The following CDC40 variants were observed in gnomAD, a reference collection of about 807,000 sequenced individuals.
The protein encoded by CDC40 is cell division cycle 40, also known as pre-mRNA-processing factor 17.
CDC40 carries 27 observed loss-of-function variants against 80.6 expected under a neutral mutation model. The ratio of observed to expected loss-of-function variants is 0.33; its 90% CI spans 0.25 to 0.46. The LOEUF (loss-of-function observed/expected upper bound fraction) is 0.46, where lower values mean the gene tolerates loss of function less well. Ranked by LOEUF, CDC40 falls within the 20% of genes least tolerant of loss-of-function variation. CDC40 has a pLI of 1.00. For missense variants in CDC40, 486 were observed against 694.1 expected, an observed-to-expected ratio of 0.70 and a Z score of 3.37; for synonymous variants, 221 against 232.6, an observed-to-expected ratio of 0.95 and a Z score of 0.45.
intron 6 of CDC40, 191 bp from the exon 7 acceptor site, chr6:110,211,942 T>C (rs1279798239): frequency 3.7e-6 from 2 of 542,832 alleles, no homozygotes; most frequent in South Asian, 2.5e-5. Flanking sequence ...CTACCTCTAG[T>C]TGTAAATGAT....
intron 8 of CDC40, 97 bp from the exon 9 acceptor site, chr6:110,215,189 G>A (rs908213361): frequency 5.7e-6 from 5 of 878,816 alleles, no homozygotes; most frequent in South Asian, 5.5e-5. Context: ...TACACACACA[G>A]ATGTGCACAC....
chr6:110,225,301 T>C (rs1777837426), intron 12 of CDC40, among the ~76,000 whole-genome samples: 1 of 152,180 alleles, frequency 6.6e-6, no homozygotes, highest in Non-Finnish European at 1.5e-5. Context: ...TCTGGTCTCA[T>C]GAAAAGCAAC....
intron 9 of CDC40, 133 bp from the exon 10 acceptor site, chr6:110,217,569 G>A: frequency 1.6e-6 from 1 of 622,380 alleles, no homozygotes; most frequent in East Asian, 3.0e-5. Flanking sequence ...ATCAGGCGGT[G>A]GCATTCCAGT....
At chr6:110,192,110 T>G (rs1325988404) in intron 1 of CDC40, among the ~76,000 whole-genome samples, 1 of 151,732 alleles carries the variant, frequency 6.6e-6, no homozygotes, top group Non-Finnish European at 1.5e-5. Flanking sequence ...TACTGGGGGG[T>G]TTAGAGCATA....
chr6:110,211,220 A>C (rs1165571563), intron 6 of CDC40: 1 of 152,220 alleles, frequency 6.6e-6, no homozygotes, highest in Non-Finnish European at 1.5e-5. Context: ...TATTCAGAAT[A>C]AACTTGGATT....
chr6:110,214,397 A>G (rs950035670), intron 8 of CDC40, among the ~76,000 whole-genome samples: 2 of 152,242 alleles, frequency 1.3e-5, no homozygotes, highest in Admixed American at 1.3e-4. Context: ...GGCAAGCACA[A>G]GATATGCTGG....
chr6:110,201,557 G>A lies in CDC40; in HGVS notation c.277-1G>A. 2 of 1,593,106 alleles carry A rather than the reference G, an allele frequency of 1.3e-6. No individual in the cohort carries two copies. The highest frequency in any genetic ancestry group is 1.7e-5 in the Admixed American group (1 of 58,114). ...TTATTTTTTTTCTTGTAACATTGCA[G>A]TTTGGACCAGAAAATCCCTTTAGGA... On this transcript the variant is annotated splice_acceptor_variant, in intron 2 of 14. Coordinates refer to ENST00000307731, the MANE Select transcript of CDC40 (RefSeq NM_015891.3). LOFTEE classifies it high-confidence loss of function.
At chr6:110,202,450 A>C (rs1382199927) in intron 3 of CDC40, among the ~76,000 whole-genome samples, 3 of 152,214 alleles carry the variant, frequency 2.0e-5, no homozygotes, top group Admixed American at 6.5e-5. Flanking sequence ...CTGTTACATC[A>C]TGATTTTGTT....
intron 11 of CDC40, 25 bp downstream of exon 11, chr6:110,219,504 A>G: frequency 7.7e-7 from 1 of 1,294,496 alleles, no homozygotes; most frequent in Non-Finnish European, 1.1e-6. Context: ...GTATTTTGTT[A>G]AGACTCCTAA....
intron 3 of CDC40, among the ~76,000 whole-genome samples, chr6:110,204,321 T>G (rs2085670433): frequency 6.6e-6 from 1 of 152,172 alleles, no homozygotes; most frequent in Non-Finnish European, 1.5e-5. Flanking sequence ...CTTATTAACA[T>G]TTTTAAATGA....
chr6:110,213,864 A>G (rs78919332), intron 8 of CDC40, among the ~76,000 whole-genome samples: 13,005 of 152,180 alleles, frequency 0.085, 866 homozygotes, highest in African/African-American at 0.19. Context: ...AATGTGTGGT[A>G]GAAAAAACTC....
chr6:110,225,742 A>T (rs11753534), intron 12 of CDC40, among the ~76,000 whole-genome samples: 18,565 of 152,090 alleles, frequency 0.12, 1,160 homozygotes, highest in South Asian at 0.19. Context: ...GTACATTTTT[A>T]ATTTAATTTT....
intron 2 of CDC40, among the ~76,000 whole-genome samples, chr6:110,198,612 G>A (rs1334228423): frequency 6.6e-6 from 1 of 152,128 alleles, no homozygotes; most frequent in Non-Finnish European, 1.5e-5. Context: ...CTTACCAGAT[G>A]TATGGTTTGC....
chr6:110,184,149 T>C (rs1176720101), intron 1 of CDC40, among the ~76,000 whole-genome samples: 1 of 152,350 alleles, frequency 6.6e-6, no homozygotes, highest in East Asian at 1.9e-4. Context: ...CATATGAAAT[T>C]AACTTTTGTC....
chr6:110,222,402 C>G (rs914868237), intron 12 of CDC40, among the ~76,000 whole-genome samples: 3 of 151,808 alleles, frequency 2.0e-5, no homozygotes, highest in Admixed American at 1.3e-4. Flanking sequence ...ACTAAAAATA[C>G]AAAAATTAGC....
chr6:110,217,369 G>C (rs1458191864), intron 9 of CDC40, among the ~76,000 whole-genome samples: 1 of 152,086 alleles, frequency 6.6e-6, no homozygotes, highest in Non-Finnish European at 1.5e-5. Flanking sequence ...TAAATTCTTG[G>C]CTAGCTAGTC....
chr6:110,214,431 G>T (rs77143627), intron 8 of CDC40, among the ~76,000 whole-genome samples: 1 of 152,196 alleles, frequency 6.6e-6, no homozygotes, highest in Non-Finnish European at 1.5e-5. Flanking sequence ...GCATACCTTA[G>T]TAAGTTGGTT....
chr6:110,209,921 T>C (rs1385916612), intron 5 of CDC40, among the ~76,000 whole-genome samples: 1 of 152,206 alleles, frequency 6.6e-6, no homozygotes, highest in Non-Finnish European at 1.5e-5. Flanking sequence ...CTTGTTATTA[T>C]AGATAGAGAT....
At chr6:110,194,918 A>G (rs1448394500) in intron 2 of CDC40, among the ~76,000 whole-genome samples, 1 of 152,102 alleles carries the variant, frequency 6.6e-6, no homozygotes, top group Non-Finnish European at 1.5e-5. Context: ...ACCAGTTAAA[A>G]TTTTTTTGTC....
Sources: gnomAD v4.1 joint callset for allele counts (sites outside exome capture counted in the v4.1 genomes callset) on GRCh38, gnomAD v4.1.1 for gene constraint, MANE v1.5 for transcripts, NCBI Gene and HGNC (gene_info 2026-07-23, HGNC 2026-07-21) for gene names.